Variants in TMEM161A observed in about 807,000 individuals in gnomAD.
The protein encoded by TMEM161A is transmembrane protein 161A.
TMEM161A carries 46 observed loss-of-function variants against 57.1 expected under a neutral mutation model. That is an observed-to-expected ratio of 0.81 (90% CI 0.64 to 1.03). The LOEUF is 1.03. TMEM161A is among the 50% of genes least tolerant of loss of function. The pLI is 0.00. For missense variants in TMEM161A, 601 were observed against 621.5 expected, an observed-to-expected ratio of 0.97 and a Z score of 0.35; for synonymous variants, 288 against 279.0, an observed-to-expected ratio of 1.03 and a Z score of -0.32.
chr19:19,126,800 G>T, intron 6 of TMEM161A, among the ~76,000 whole-genome samples: 1 of 152,198 alleles, frequency 6.6e-6, no homozygotes, highest in Admixed American at 6.5e-5. Context: ...AGCCTGGAAG[G>T]TGGAGGTTGC....
At chr19:19,125,514 CTTTTT>C (rs1187202482) in intron 6 of TMEM161A, among the ~76,000 whole-genome samples, 2 of 115,988 alleles carry the variant, frequency 1.7e-5, no homozygotes, top group Non-Finnish European at 3.6e-5. Context: ...CCTTGCCCAG[CTTTTT>C]TTTTTTTTTT....
chr19:19,119,951 G>A lies in TMEM161A; in HGVS notation c.1419C>T (p.His473=), dbSNP rs1436492638. 19 of 1,559,922 alleles carry A rather than the reference G, an allele frequency of 1.2e-5. No homozygotes were observed. Among genetic ancestry groups the A allele is most frequent in the Admixed American group, 3.8e-5 (2 of 52,262 alleles). Residue 473 remains histidine (H), a synonymous_variant, in exon 12 of 12, where the codon CAC becomes CAT. Transcript: ENST00000162044. ...LLASLFGLYF[H]QHLAGS is the part of the protein sequence containing the mutation. ...GCAGCTAGGAGCCTGCCAAGTGCTGGTGGAAGTAGAGGCCGAAAAGGCTGG... is the reference window on the plus strand; with the variant it reads ...GCAGCTAGGAGCCTGCCAAGTGCTGATGGAAGTAGAGGCCGAAAAGGCTGG...
chr19:19,120,710 T>G, intron 11 of TMEM161A, 55 bp downstream of exon 11: 5 of 1,136,876 alleles, frequency 4.4e-6, no homozygotes, highest in Non-Finnish European at 6.0e-6. Flanking sequence ...CCACCTCCAC[T>G]CTGTTTTATC....
In TMEM161A at chr19:19,121,247, T is replaced by C; in HGVS notation, c.914+61A>G. 6.4e-7 allele frequency: 1 copy of C among 1,551,248 alleles called. No individual in the cohort carries two copies. Among genetic ancestry groups the C allele is most frequent in the African/African-American group, 1.4e-5 (1 of 73,250 alleles). On this transcript the variant is annotated intron_variant, in intron 9 of 11. Coordinates refer to ENST00000162044, the MANE Select transcript of TMEM161A (RefSeq NM_017814.3). This position sits in a 1 kb window ranked among gnomAD's most constrained non-coding sequence, Gnocchi z 5.8. ...GATCTTCCCCAGGCTCCTCCCTGAATCTCAGAGGCTAGGGCACCCAGGGGA... is the reference window on the plus strand; with the variant it reads ...GATCTTCCCCAGGCTCCTCCCTGAACCTCAGAGGCTAGGGCACCCAGGGGA...
Position 19,121,804 on chromosome 19 carries a change from G to A in TMEM161A, c.611C>T (p.Thr204Ile). The change falls in exon 7 of 12, where the codon ACC (threonine) becomes ATC (isoleucine). Residue 204 changes from threonine (T) to isoleucine (I), a missense_variant. Transcript: ENST00000162044. The surrounding 1 kb of genome is among the most constrained non-coding windows in gnomAD (Gnocchi z 5.8). ...LGLEPGLASM[T>I]QNLEPLLKKQ... is the part of the protein sequence containing the mutation. ...CTTCAGAAGTGGCTCTAAGTTCTGGGTCATGCTGGCCAGACCTGGGGACGA... is the reference window on the plus strand; with the variant it reads ...CTTCAGAAGTGGCTCTAAGTTCTGGATCATGCTGGCCAGACCTGGGGACGA... 6.2e-7 allele frequency: 1 copy of A among 1,613,894 alleles called. No individual in the cohort carries two copies. Among genetic ancestry groups the A allele is most frequent in the African/African-American group, 1.3e-5 (1 of 75,004 alleles).
chr19:19,132,690 C>T lies in TMEM161A; in HGVS notation c.253G>A (p.Glu85Lys). Residue 85 changes from glutamate to lysine, a missense_variant, in exon 4 of 12, where the codon GAG (glutamate) becomes AAG (lysine). Glu to Lys is a moderately conservative substitution (Grantham distance 56). Transcript: ENST00000162044. The surrounding 1 kb of genome is among the most constrained non-coding windows in gnomAD (Gnocchi z 4.3). ...TCCACGGTCGTGAGGGGGCAGGTCT[C>T]CAGCTGGAACGGGGCATCTCGGGGC... ...SVPRDAPFQL[E>K]TCPLTTVDAL... 2 of 1,580,658 alleles carry T rather than the reference C, an allele frequency of 1.3e-6. No homozygotes were observed. Among genetic ancestry groups the T allele is most frequent in the Non-Finnish European group, 1.7e-6 (2 of 1,162,746 alleles).
chr19:19,130,395 G>A, intron 5 of TMEM161A, 88 bp from the exon 6 acceptor site: 2 of 1,544,454 alleles, frequency 1.3e-6, no homozygotes, highest in Non-Finnish European at 1.8e-6. Flanking sequence ...AGAACTCCAG[G>A]GAACAAGCAC....
At chr19:19,126,258 T>C (rs1250446143) in intron 6 of TMEM161A, among the ~76,000 whole-genome samples, 3 of 152,180 alleles carry the variant, frequency 2.0e-5, no homozygotes, top group African/African-American at 7.2e-5. Flanking sequence ...CAACTTCCAT[T>C]CATCAAGACA....
Position 19,137,744 on chromosome 19 carries a change from C to T in TMEM161A, c.3+682G>A, listed in dbSNP as rs115565029. 9.1e-3 allele frequency among the ~76,000 whole-genome samples: 1,379 copies of T among 152,302 alleles called. 16 individuals carry two copies. The highest frequency in any genetic ancestry group is 0.032 in the African/African-American group (1,314 of 41,558). On this transcript the variant is annotated intron_variant, in intron 1 of 11. Coordinates refer to ENST00000162044, the MANE Select transcript of TMEM161A (RefSeq NM_017814.3). Reference sequence around the variant, plus strand: ...GCAGAGACCCTCCAGTTCCACGTCCCTCTCTCTGCCCAGGCCGGTCCCGTC... The same window carrying T: ...GCAGAGACCCTCCAGTTCCACGTCCTTCTCTCTGCCCAGGCCGGTCCCGTC...
intron 1 of TMEM161A, 162 bp from the exon 2 acceptor site, chr19:19,135,049 G>T: frequency 1.7e-6 from 1 of 588,404 alleles, no homozygotes; most frequent in South Asian, 2.0e-5. Context: ...GGTGAGTCTG[G>T]ACTCACCTAG....
intron 6 of TMEM161A, among the ~76,000 whole-genome samples, chr19:19,127,606 G>A (rs1317801733): frequency 2.0e-5 from 3 of 151,994 alleles, no homozygotes; most frequent in Non-Finnish European, 4.4e-5. Flanking sequence ...ACAGGCGTGA[G>A]CCACCGTGCC....
intron 6 of TMEM161A, among the ~76,000 whole-genome samples, chr19:19,123,872 C>T: frequency 6.6e-6 from 1 of 151,936 alleles, no homozygotes; most frequent in Non-Finnish European, 1.5e-5. Context: ...CGAGCCTGGC[C>T]AACATGGTGA....
intron 10 of TMEM161A, 65 bp from the exon 11 acceptor site, chr19:19,120,926 A>C (rs1223978356): frequency 6.2e-7 from 1 of 1,611,752 alleles, no homozygotes; most frequent in East Asian, 2.2e-5. Context: ...CTCCACGCCC[A>C]AAGGACCAGG....
chr19:19,126,004 G>A (rs1267045299), intron 6 of TMEM161A, among the ~76,000 whole-genome samples: 1 of 151,702 alleles, frequency 6.6e-6, no homozygotes, highest in African/African-American at 2.4e-5. Context: ...GGTGGCTCGC[G>A]CCTGTAATCC....
At chr19:19,126,577 A>C (rs2059932441) in intron 6 of TMEM161A, among the ~76,000 whole-genome samples, 1 of 152,122 alleles carries the variant, frequency 6.6e-6, no homozygotes, top group Admixed American at 6.6e-5. Context: ...CACAAAAATT[A>C]TCTGGGTGTA....
In TMEM161A at chr19:19,121,635, TC is replaced by T; in HGVS notation, c.689del (p.Gly230AspfsTer28). 1.2e-6 allele frequency: 2 copies of T among 1,613,900 alleles called. No homozygotes were observed. Among genetic ancestry groups the T allele is most frequent in the Non-Finnish European group, 1.7e-6 (2 of 1,179,916 alleles). On this transcript the variant is annotated frameshift_variant, in exon 8 of 12. Transcript: ENST00000162044. LOFTEE classifies it high-confidence loss of function. The surrounding 1 kb of genome is among the most constrained non-coding windows in gnomAD (Gnocchi z 5.8). ...LPVAKLAIRV[G>X]LAVVGSVLGA... is the part of the protein sequence containing the mutation. ...CCAGCACAGAGCCCACCACTGCCAG[TC>T]CCACGCGGATAGCCAGCTTGGCCAC...
intron 1 of TMEM161A, among the ~76,000 whole-genome samples, chr19:19,137,342 ACCC>A (rs2059989465): frequency 6.6e-6 from 1 of 150,480 alleles, no homozygotes; most frequent in Non-Finnish European, 1.5e-5. Flanking sequence ...ACCCCCCAAA[ACCC>A]CCCAAGGGAA....
At chr19:19,133,388 G>T in intron 2 of TMEM161A, 178 bp from the exon 3 acceptor site, 1 of 598,610 alleles carries the variant, frequency 1.7e-6, no homozygotes, top group East Asian at 2.9e-5. Context: ...ACAGATCTAG[G>T]CTGAGTGGGC....
At chr19:19,125,812 G>C (rs1325617352) in intron 6 of TMEM161A, among the ~76,000 whole-genome samples, 1 of 151,306 alleles carries the variant, frequency 6.6e-6, no homozygotes, top group African/African-American at 2.4e-5. Context: ...CACCACCCCT[G>C]GCCAGTCATT....
Sources: gnomAD v4.1 joint callset for allele counts (sites outside exome capture counted in the v4.1 genomes callset) on GRCh38, gnomAD v4.1.1 for gene constraint, Gnocchi (gnomAD v3.1) non-coding constraint, MANE v1.5 for transcripts, NCBI Gene and HGNC (gene_info 2026-07-23, HGNC 2026-07-21) for gene names.